The following RBBP5 variants were observed in gnomAD, a reference collection of about 807,000 sequenced individuals.
The protein encoded by RBBP5 is RB binding protein 5, histone lysine methyltransferase complex subunit, also known as retinoblastoma-binding protein 5.
A neutral mutation model predicts 72.2 loss-of-function variants in RBBP5; 5 were observed. The ratio of observed to expected loss-of-function variants is 0.07; its 90% CI spans 0.04 to 0.15. RBBP5 has a LOEUF of 0.15. RBBP5 is among the 10% of genes least tolerant of loss of function. The pLI, the probability that RBBP5 is intolerant of heterozygous loss-of-function variation, is 1.00. For missense variants in RBBP5, 322 were observed against 652.2 expected (o/e 0.49, Z 5.51); for synonymous variants, 209 against 237.2 (o/e 0.88, Z 1.09).
At chr1:205,104,908 T>C in intron 4 of RBBP5, 120 bp downstream of exon 4, 1 of 1,112,592 alleles carries the variant, frequency 9.0e-7, no homozygotes, top group Non-Finnish European at 1.3e-6. Flanking sequence ...TTATTTTATG[T>C]AGAAGGTTTG....
At chr1:205,092,929 C>T (rs1481325058) in intron 13 of RBBP5, among the ~76,000 whole-genome samples, 1 of 152,196 alleles carries the variant, frequency 6.6e-6, no homozygotes, top group African/African-American at 2.4e-5. Flanking sequence ...TTTTAAGAAG[C>T]TAGGAGATTA....
Position 205,105,028 on chromosome 1 carries a change from T to G in RBBP5, c.359A>C (p.Gln120Pro), listed in dbSNP as rs780187816. The G allele has an allele frequency of 6.2e-6, 10 of 1,613,810 alleles. No individual in the cohort carries two copies. The highest frequency in any genetic ancestry group is 8.5e-6 in the Non-Finnish European group (10 of 1,179,896). The change falls in exon 4 of 14, where the codon CAG becomes CCG. Residue 120 changes from glutamine to proline, a missense_variant and splice_region_variant. By Grantham distance (76) the Gln-to-Pro change is moderately conservative. Coordinates refer to ENST00000264515, the MANE Select transcript of RBBP5 (RefSeq NM_005057.4). Reference sequence around the variant, plus strand: ...CAGGAGAGAAATAGCTTAAACATACTGATCTCGTGGATGATATTGGACTTT... The same window carrying G: ...CAGGAGAGAAATAGCTTAAACATACGGATCTCGTGGATGATATTGGACTTT... ...ILKVQYHPRD[Q>P]NKVLVCPMKS...
intron 3 of RBBP5, among the ~76,000 whole-genome samples, chr1:205,112,218 TG>T (rs2102319755): frequency 6.6e-6 from 1 of 152,170 alleles, no homozygotes; most frequent in Non-Finnish European, 1.5e-5. Flanking sequence ...CTCAGGAGGT[TG>T]AGGCAGGAGA....
At chr1:205,117,256 G>A (rs1656563183) in intron 1 of RBBP5, among the ~76,000 whole-genome samples, 1 of 151,992 alleles carries the variant, frequency 6.6e-6, no homozygotes, top group African/African-American at 2.4e-5. Flanking sequence ...GTTTTACCAT[G>A]TTGGCCAGGC....
intron 13 of RBBP5, among the ~76,000 whole-genome samples, chr1:205,089,373 T>C (rs1305422813): frequency 6.6e-6 from 1 of 152,162 alleles, no homozygotes; most frequent in Non-Finnish European, 1.5e-5. Context: ...ATAAATAATA[T>C]CCTGAATAGT....
At chr1:205,115,016 T>C (rs1440998545) in intron 2 of RBBP5, 55 bp from the exon 3 acceptor site, 2 of 1,451,426 alleles carry the variant, frequency 1.4e-6, no homozygotes, top group African/African-American at 2.9e-5. Context: ...GTATCCAAAT[T>C]ATTTCCTAAA....
chr1:205,104,665 ACTCTGT>A (rs1372508641), intron 4 of RBBP5, among the ~76,000 whole-genome samples: 1 of 152,068 alleles, frequency 6.6e-6, no homozygotes, highest in African/African-American at 2.4e-5. Context: ...ACATGGGGAT[ACTCTGT>A]CTCTGCTAAA....
intron 12 of RBBP5, 38 bp downstream of exon 12, chr1:205,096,644 G>A (rs375792660): frequency 6.3e-7 from 1 of 1,579,830 alleles, no homozygotes; most frequent in Non-Finnish European, 8.6e-7. Context: ...GTAGAAAGTG[G>A]CGTCTGCCAG....
At chr1:205,114,154 C>G (rs1433307160) in intron 3 of RBBP5, among the ~76,000 whole-genome samples, 1 of 152,200 alleles carries the variant, frequency 6.6e-6, no homozygotes, top group East Asian at 1.9e-4. Flanking sequence ...ATTCAGGCCT[C>G]CTCCCAATCC....
Position 205,114,987 on chromosome 1 carries a change from T to C in RBBP5, c.46-26A>G, listed in dbSNP as rs369163618. The stretch of plus-strand genomic sequence containing the variant: ...CTAAAAATTGAAACAAATACAAGAA[T>C]AGAGGCAACAATAGCCAGGTATCCA... On this transcript the variant is annotated intron_variant, in intron 2 of 13. Transcript: ENST00000264515. The C allele has an allele frequency of 2.4e-5, 38 of 1,557,488 alleles. No homozygotes were observed. In the East Asian group the frequency reaches 3.0e-4, roughly 12 times the overall value.
At chr1:205,090,340 G>A (rs187697720) in intron 13 of RBBP5, among the ~76,000 whole-genome samples, 1 of 152,168 alleles carries the variant, frequency 6.6e-6, no homozygotes, top group Admixed American at 6.5e-5. Flanking sequence ...GGAGAAAGTG[G>A]CTTGATCACT....
At chr1:205,104,218 T>A (rs1392705536) in intron 4 of RBBP5, among the ~76,000 whole-genome samples, 199 bp from the exon 5 acceptor site, 1 of 151,812 alleles carries the variant, frequency 6.6e-6, no homozygotes, top group Non-Finnish European at 1.5e-5. Context: ...AAATAAAACA[T>A]GATCATTAAA....
In RBBP5 at chr1:205,121,956, G is replaced by C. The variant is rs1262824941; in HGVS notation, c.-83C>G. On this transcript the variant is annotated 5_prime_UTR_variant, in exon 1 of 14. Transcript: ENST00000264515. ...GGCTTCAGCAACTTGCGTCTAAGTG[G>C]TGGACGCCGCGAAGAGACTGGCGCA... 1 of 1,587,956 alleles carries C rather than the reference G, an allele frequency of 6.3e-7. No individual in the cohort carries two copies. Among genetic ancestry groups the C allele is most frequent in the South Asian group, 1.1e-5 (1 of 90,390 alleles).
chr1:205,105,215 TACCACTC>T, intron 3 of RBBP5, 47 bp from the exon 4 acceptor site: 1 of 1,574,516 alleles, frequency 6.4e-7, no homozygotes, highest in Non-Finnish European at 8.6e-7. Context: ...AAGTATATCA[TACCACTC>T]TCATGAATAA....
At chr1:205,104,785 C>T (rs1655987672) in intron 4 of RBBP5, among the ~76,000 whole-genome samples, 2 of 152,078 alleles carry the variant, frequency 1.3e-5, no homozygotes, top group Non-Finnish European at 2.9e-5. Context: ...GTTGTGTGAG[C>T]CAAGATGGCG....
chr1:205,114,361 T>C (rs1022693097), intron 3 of RBBP5, among the ~76,000 whole-genome samples: 1 of 152,244 alleles, frequency 6.6e-6, no homozygotes, highest in African/African-American at 2.4e-5. Context: ...TTACGTTTTC[T>C]ATAAAGCCTT....
At chr1:205,095,962 G>A (rs1259967899) in intron 12 of RBBP5, among the ~76,000 whole-genome samples, 1 of 152,184 alleles carries the variant, frequency 6.6e-6, no homozygotes, top group Non-Finnish European at 1.5e-5. Context: ...GGAGGCCGAG[G>A]CAGGCGGATC....
At chr1:205,109,594 A>C (rs202141094) in intron 3 of RBBP5, among the ~76,000 whole-genome samples, 2 of 151,966 alleles carry the variant, frequency 1.3e-5, no homozygotes, top group East Asian at 1.9e-4. Flanking sequence ...AAGAAAAAAA[A>C]CCTACTGCTA....
chr1:205,092,085 C>G (rs938745953), intron 13 of RBBP5: 5 of 152,130 alleles, frequency 3.3e-5, no homozygotes, highest in African/African-American at 1.2e-4. Flanking sequence ...CTGGATAAAG[C>G]CCTACCCTCA....
Sources: gnomAD v4.1 joint callset for allele counts (sites outside exome capture counted in the v4.1 genomes callset) on GRCh38, gnomAD v4.1.1 for gene constraint, MANE v1.5 for transcripts, NCBI Gene and HGNC (gene_info 2026-07-23, HGNC 2026-07-21) for gene names.